UNC79: variants seen among roughly 807,000 people sequenced by gnomAD.
UNC79 encodes the protein unc-79 subunit of NALCN channel complex, also known as protein unc-79 homolog.
UNC79 carries 37 observed loss-of-function variants against 283.1 expected under a neutral mutation model. The ratio of observed to expected loss-of-function variants is 0.13; its 90% CI spans 0.10 to 0.17. The LOEUF is 0.17. Among genes scored for constraint, UNC79 ranks in the 10% least tolerant of loss-of-function variants. The pLI is 1.00. For synonymous variants in UNC79, 1,107 were observed against 1,200.2 expected (o/e 0.92, Z 1.61); for missense variants, 2,272 against 3,211.1 (o/e 0.71, Z 7.07).
At chr14:93,360,942 G>A (rs915778042) in intron 1 of UNC79, among the ~76,000 whole-genome samples, 7 of 152,056 alleles carry the variant, frequency 4.6e-5, no homozygotes, top group South Asian at 2.1e-4. Context: ...GGCTGGGTGC[G>A]GCAGCTCATG....
chr14:93,558,960 A>G (rs2062376052), intron 14 of UNC79, among the ~76,000 whole-genome samples: 1 of 152,212 alleles, frequency 6.6e-6, no homozygotes, highest in Non-Finnish European at 1.5e-5. Flanking sequence ...TCAGGATGTG[A>G]GTGATACAGA....
intron 7 of UNC79, among the ~76,000 whole-genome samples, chr14:93,507,705 G>A (rs1473597410): frequency 6.6e-6 from 1 of 152,084 alleles, no homozygotes; most frequent in Non-Finnish European, 1.5e-5. Flanking sequence ...ATGAGCATGA[G>A]TTTTTAATCT....
chr14:93,683,193 A>G (rs1483249632), intron 42 of UNC79, among the ~76,000 whole-genome samples: 1 of 152,138 alleles, frequency 6.6e-6, no homozygotes, highest in African/African-American at 2.4e-5. Context: ...AAAAATCCCA[A>G]TTCTCAACGA....
intron 39 of UNC79, among the ~76,000 whole-genome samples, chr14:93,660,558 T>TATATATAC (rs2140434194): frequency 8.1e-6 from 1 of 122,972 alleles, no homozygotes; most frequent in Admixed American, 7.7e-5. Context: ...TATATATATA[T>TATATATAC]ATATATGTGT....
intron 41 of UNC79, among the ~76,000 whole-genome samples, chr14:93,675,089 T>C (rs895618624): frequency 6.6e-6 from 1 of 152,226 alleles, no homozygotes; most frequent in African/African-American, 2.4e-5. Flanking sequence ...ATCAGAAACC[T>C]AGAGTGACCT....
intron 12 of UNC79, among the ~76,000 whole-genome samples, chr14:93,539,143 T>G (rs1021413296): frequency 4.0e-5 from 6 of 149,814 alleles, no homozygotes; most frequent in African/African-American, 9.8e-5. Flanking sequence ...CCTCAGATGA[T>G]CCACCCGCCT....
chr14:93,578,578 T>G (rs187066778), intron 18 of UNC79, among the ~76,000 whole-genome samples: 167 of 152,370 alleles, frequency 1.1e-3, no homozygotes, highest in African/African-American at 3.8e-3. Context: ...TGTTAACATT[T>G]ACCACATCTG....
At chr14:93,493,154 GA>G (rs1438091477) in intron 5 of UNC79, among the ~76,000 whole-genome samples, 1 of 152,156 alleles carries the variant, frequency 6.6e-6, no homozygotes, top group African/African-American at 2.4e-5. Flanking sequence ...TTTGGTTTGA[GA>G]ACTGCAGGAT....
At chr14:93,604,161 TA>T (rs1473096585) in intron 26 of UNC79, among the ~76,000 whole-genome samples, 3 of 152,294 alleles carry the variant, frequency 2.0e-5, no homozygotes, top group Non-Finnish European at 1.5e-5. Flanking sequence ...TACTAATGAA[TA>T]TGTTTAAATA....
chr14:93,706,948 A>G (rs1449508640), downstream of UNC79: 3 of 1,604,496 alleles, frequency 1.9e-6, no homozygotes, highest in Admixed American at 1.7e-5. Context: ...GTTTAGCAAT[A>G]ATGGGTTTAA....
chr14:93,686,809 C>A, intron 43 of UNC79, 148 bp downstream of exon 46: 1 of 807,550 alleles, frequency 1.2e-6, no homozygotes, highest in South Asian at 1.8e-5. Flanking sequence ...ATCAAAGAGC[C>A]AGGGTCCAGC....
rs1035019297 is a variant in UNC79, at chr14:93,603,460, G to A, written c.3754+42G>A. 1.0e-5 allele frequency: 16 copies of A among 1,593,772 alleles called. No homozygotes were observed. In the Middle Eastern group the frequency reaches 8.9e-4, roughly 89 times the overall value. Reference sequence around the variant, plus strand: ...CATCCTTCCGTTAAATCTGTTTAATGTCTTTCTGAGGCTGACTTGTCTTGT... The same window carrying A: ...CATCCTTCCGTTAAATCTGTTTAATATCTTTCTGAGGCTGACTTGTCTTGT... On this transcript the variant is annotated intron_variant, in intron 26 of 48. Coordinates refer to ENST00000555664, the Ensembl canonical transcript of UNC79.
chr14:93,571,828 T>A, intron 14 of UNC79, 66 bp from the exon 15 acceptor site: 1 of 1,563,892 alleles, frequency 6.4e-7, no homozygotes. Context: ...CCTTAGGAAG[T>A]CCTTGAGTAT....
At chr14:93,369,001 ACTT>A (rs1166763247) in intron 1 of UNC79, among the ~76,000 whole-genome samples, 1 of 152,088 alleles carries the variant, frequency 6.6e-6, no homozygotes, top group African/African-American at 2.4e-5. Flanking sequence ...CCTTTAGAAA[ACTT>A]CTTTATTGCA....
intron 1 of UNC79, among the ~76,000 whole-genome samples, chr14:93,380,284 T>C (rs752465582): frequency 6.6e-6 from 1 of 152,194 alleles, no homozygotes; most frequent in Non-Finnish European, 1.5e-5. Flanking sequence ...CATTAATATA[T>C]GTTTGTTGTA....
chr14:93,688,263 AAG>A lies in UNC79; in HGVS notation c.6910-399_6910-398del, dbSNP rs1441302246. ...TGTGTCTCTCACAATTGCTATGAAAAAGAGGCAGAAGGCAGCACGGACCTGGC... is the reference window on the plus strand; with the variant it reads ...TGTGTCTCTCACAATTGCTATGAAAAAGGCAGAAGGCAGCACGGACCTGGC... On this transcript the variant is annotated intron_variant, in intron 43 of 48. Coordinates refer to ENST00000555664, the Ensembl canonical transcript of UNC79. The surrounding 1 kb of genome is among the most constrained non-coding windows in gnomAD (Gnocchi z 4.0). Among the ~76,000 whole-genome samples, 1 of 152,186 alleles carries A rather than the reference AAG, an allele frequency of 6.6e-6. No individual in the cohort carries two copies.
At chr14:93,519,261 C>G (rs34973086) in intron 7 of UNC79, among the ~76,000 whole-genome samples, 39,995 of 151,596 alleles carry the variant, frequency 0.26, 6,281 homozygotes, top group East Asian at 0.65. Context: ...TGGTAATATT[C>G]TTTGTTCTGA....
In UNC79 at chr14:93,461,971, A is replaced by AG. The variant is rs1156783085; in HGVS notation, c.23-5700_23-5699insG. Among the ~76,000 whole-genome samples, 19 of 70,352 alleles carry AG rather than the reference A, an allele frequency of 2.7e-4. No homozygotes were observed. The East Asian group carries it at 2.8e-3, about 10-fold the overall frequency. The allele number at this position is 70,352 out of a possible 152,430, so 46.2% of individuals were successfully genotyped here. On this transcript the variant is annotated intron_variant, in intron 1 of 48. Transcript: ENST00000555664. Reference sequence around the variant, plus strand: ...TAGAAAGGTTTTCAAGCAAAAAAAAAAAAAGAAAGAAAAGAAACACAAAAA... The same window carrying AG: ...TAGAAAGGTTTTCAAGCAAAAAAAAAGAAAAGAAAGAAAAGAAACACAAAAA...
chr14:93,583,018 A>G (rs1402169937), intron 20 of UNC79, among the ~76,000 whole-genome samples: 5 of 152,260 alleles, frequency 3.3e-5, no homozygotes, highest in Non-Finnish European at 5.9e-5. Context: ...ATGATCCGGA[A>G]GAGTTAGAAT....
Sources: gnomAD v4.1 joint callset for allele counts (sites outside exome capture counted in the v4.1 genomes callset) on GRCh38, gnomAD v4.1.1 for gene constraint, Gnocchi (gnomAD v3.1) non-coding constraint, MANE v1.5 for transcripts, NCBI Gene and HGNC (gene_info 2026-07-23, HGNC 2026-07-21) for gene names.